Variants in MPPED2 observed in about 807,000 individuals in gnomAD.
The protein encoded by MPPED2 is metallophosphoesterase domain containing 2.
In MPPED2, 5 loss-of-function variants were observed where a neutral mutation model predicts 33.0. That is an observed-to-expected ratio of 0.15 (90% confidence interval 0.08 to 0.32). MPPED2 has a LOEUF of 0.32. MPPED2 is among the 10% of genes least tolerant of loss of function. MPPED2 has a pLI of 1.00. For synonymous variants in MPPED2, 136 were observed against 141.9 expected (o/e 0.96, Z 0.29); for missense variants, 275 against 372.1 (o/e 0.74, Z 2.15).
intron 6 of MPPED2, among the ~76,000 whole-genome samples, chr11:30,390,411 A>G (rs1298085440): frequency 6.6e-6 from 1 of 152,200 alleles, no homozygotes; most frequent in Admixed American, 6.5e-5. Context: ...CTAGGCCTCA[A>G]ATGTTGACAG....
chr11:30,426,724 T>A (rs1233991453), intron 4 of MPPED2, among the ~76,000 whole-genome samples: 2 of 152,224 alleles, frequency 1.3e-5, no homozygotes, highest in Admixed American at 6.5e-5. Context: ...CCTTCTTTTT[T>A]AAATAACCTA....
chr11:30,414,525 T>C (rs1258200753), intron 5 of MPPED2, among the ~76,000 whole-genome samples, 184 bp from the exon 6 acceptor site: 1 of 150,694 alleles, frequency 6.6e-6, no homozygotes, highest in Non-Finnish European at 1.5e-5. Context: ...TTTAGGTTCT[T>C]GAAATTTTTT....
At chr11:30,497,418 G>T (rs562652535) in intron 3 of MPPED2, among the ~76,000 whole-genome samples, 2 of 152,224 alleles carry the variant, frequency 1.3e-5, no homozygotes, top group South Asian at 4.2e-4. Context: ...AGGCTAAAAC[G>T]TTTTCCCAGA....
intron 3 of MPPED2, among the ~76,000 whole-genome samples, chr11:30,508,314 A>G (rs1037923688): frequency 6.6e-6 from 1 of 152,230 alleles, no homozygotes; most frequent in Non-Finnish European, 1.5e-5. Flanking sequence ...GTTCCTAGAC[A>G]TGTGAAGTCA....
At chr11:30,470,763 C>A (rs927309197) in intron 4 of MPPED2, among the ~76,000 whole-genome samples, 1 of 152,156 alleles carries the variant, frequency 6.6e-6, no homozygotes, top group African/African-American at 2.4e-5. Flanking sequence ...CTTCCAGACT[C>A]ATGTTGCTAC....
intron 2 of MPPED2, among the ~76,000 whole-genome samples, chr11:30,558,164 T>C (rs1956072416): frequency 1.3e-5 from 2 of 152,132 alleles, no homozygotes; most frequent in Non-Finnish European, 2.9e-5. Flanking sequence ...ATTTTGTATG[T>C]ATTTTATTAT....
At chr11:30,552,069 C>T (rs1266335859) in intron 2 of MPPED2, among the ~76,000 whole-genome samples, 2 of 152,160 alleles carry the variant, frequency 1.3e-5, no homozygotes, top group Non-Finnish European at 2.9e-5. Context: ...ATCCTACACC[C>T]TAACTGGGAA....
intron 2 of MPPED2, among the ~76,000 whole-genome samples, chr11:30,577,869 A>G (rs1956997005): frequency 6.6e-6 from 1 of 152,220 alleles, no homozygotes; most frequent in South Asian, 2.1e-4. Flanking sequence ...TCTCTATTCA[A>G]TGCATAATCA....
At chr11:30,482,172 A>G (rs1221584738) in intron 4 of MPPED2, among the ~76,000 whole-genome samples, 1 of 152,192 alleles carries the variant, frequency 6.6e-6, no homozygotes, top group African/African-American at 2.4e-5. Flanking sequence ...AGAAAGAAAA[A>G]AAGAACATTC....
chr11:30,522,383 AACATACACACACAC>A (rs1565150482), intron 3 of MPPED2, among the ~76,000 whole-genome samples: 2 of 87,500 alleles, frequency 2.3e-5, no homozygotes, highest in African/African-American at 9.0e-5. Flanking sequence ...GCTTCAGGAA[AACATACACACACAC>A]ACACACACAC....
chr11:30,492,703 A>G (rs1312034694), intron 4 of MPPED2, among the ~76,000 whole-genome samples: 1 of 66,240 alleles, frequency 1.5e-5, no homozygotes, highest in Admixed American at 1.4e-4. Context: ...AAATAAATTG[A>G]CGTACCTTAC....
intron 3 of MPPED2, among the ~76,000 whole-genome samples, chr11:30,529,909 AT>A (rs1357361272): frequency 6.6e-6 from 1 of 152,192 alleles, no homozygotes; most frequent in East Asian, 1.9e-4. Context: ...TCCTTGAAGC[AT>A]TTTTGTTCTC....
intron 2 of MPPED2, among the ~76,000 whole-genome samples, chr11:30,561,127 T>A (rs947407949): frequency 6.6e-6 from 1 of 152,216 alleles, no homozygotes; most frequent in Non-Finnish European, 1.5e-5. Flanking sequence ...TAAACCTTCA[T>A]GTGGGTGTGC....
Position 30,524,555 on chromosome 11 carries a change from T to C in MPPED2, c.310+11439A>G, listed in dbSNP as rs574048102. On this transcript the variant is annotated intron_variant, in intron 3 of 6. Transcript: ENST00000358117. ...ACAGCATCAACCAGCCTCAGAGTGT[T>C]GTGAGGATTAAATGAGTTAATGCAG... Among the ~76,000 whole-genome samples, 13 of 152,258 alleles carry C rather than the reference T, an allele frequency of 8.5e-5. No individual in the cohort carries two copies. The East Asian group carries it at 2.3e-3, about 27-fold the overall frequency.
chr11:30,512,592 C>G (rs1391440258), intron 3 of MPPED2, among the ~76,000 whole-genome samples: 2 of 152,182 alleles, frequency 1.3e-5, no homozygotes, highest in African/African-American at 2.4e-5. Flanking sequence ...TTGGAAAAAT[C>G]ACTGCCCCAG....
chr11:30,500,583 A>T (rs953937642), intron 3 of MPPED2, among the ~76,000 whole-genome samples: 14 of 152,190 alleles, frequency 9.2e-5, no homozygotes, highest in African/African-American at 3.4e-4. Context: ...CAAAATGGGG[A>T]TAATAACACC....
intron 3 of MPPED2, among the ~76,000 whole-genome samples, chr11:30,508,972 G>T (rs1952990502): frequency 6.6e-6 from 1 of 152,182 alleles, no homozygotes; most frequent in African/African-American, 2.4e-5. Context: ...TCAAATAGAT[G>T]AATGAATGAA....
chr11:30,530,803 A>G (rs1954478619), intron 3 of MPPED2, among the ~76,000 whole-genome samples: 1 of 152,228 alleles, frequency 6.6e-6, no homozygotes, highest in Non-Finnish European at 1.5e-5. Context: ...CACAACAGGG[A>G]CAAAATTGAG....
chr11:30,459,433 C>CCTAGAAAAT (rs1478610675), intron 4 of MPPED2, among the ~76,000 whole-genome samples: 2 of 144,540 alleles, frequency 1.4e-5, no homozygotes. Flanking sequence ...AGAAAACCCA[C>CCTAGAAAAT]AAACATCCCA....
Sources: allele counts gnomAD v4.1 joint callset (sites outside exome capture counted in the v4.1 genomes callset), GRCh38; gene constraint gnomAD v4.1.1; transcripts MANE v1.5; gene names NCBI Gene and HGNC (gene_info 2026-07-23, HGNC 2026-07-21).